Variants in DLGAP4 observed in about 807,000 individuals in gnomAD.
DLGAP4 encodes disks large-associated protein 4.
DLGAP4 carries 18 observed loss-of-function variants against 86.9 expected under a neutral mutation model. The observed-to-expected ratio is 0.21, with a 90% CI of 0.14 to 0.31. The LOEUF (loss-of-function observed/expected upper bound fraction) is 0.31. DLGAP4 is among the 10% of genes least tolerant of loss of function. The probability of loss-of-function intolerance (pLI) is 1.00; values close to 1 mark genes in which losing one functional copy is unlikely to be tolerated. For missense variants in DLGAP4, 1,085 were observed against 1,362.6 expected, an observed-to-expected ratio of 0.80 and a Z score of 3.21; for synonymous variants, 548 against 574.3, an observed-to-expected ratio of 0.95 and a Z score of 0.65.
intron 3 of DLGAP4, among the ~76,000 whole-genome samples, chr20:36,435,642 C>T (rs1422662408): frequency 6.6e-6 from 1 of 152,236 alleles, no homozygotes; most frequent in African/African-American, 2.4e-5. Context: ...CCCGTCCCCC[C>T]TCATGCTGAT....
At chr20:36,400,689 T>C (rs1458318613) in intron 2 of DLGAP4, among the ~76,000 whole-genome samples, 8 of 152,110 alleles carry the variant, frequency 5.3e-5, no homozygotes, top group Admixed American at 3.9e-4. Context: ...GGCTTGCCTT[T>C]GTTCGTATGG....
chr20:36,431,958 G>A lies in DLGAP4; in HGVS notation c.241G>A (p.Glu81Lys), dbSNP rs757154294. 2 of 1,614,112 alleles carry A rather than the reference G, an allele frequency of 1.2e-6. No individual in the cohort carries two copies. Among genetic ancestry groups the A allele is most frequent in the Non-Finnish European group, 1.7e-6 (2 of 1,180,014 alleles). The change falls in exon 3 of 13, where the codon GAG becomes AAG. Residue 81 changes from glutamate (E) to lysine (K), a missense_variant. Coordinates refer to ENST00000339266, the MANE Select transcript of DLGAP4 (RefSeq NM_001365621.2). The surrounding 1 kb of genome is among the most constrained non-coding windows in gnomAD (Gnocchi z 5.1). ...FPRIHYNSHFEVPEESPFPSH... is the reference protein window; with the variant it reads ...FPRIHYNSHFKVPEESPFPSH... ...CCGCATCCACTACAACTCCCACTTC[G>A]AGGTGCCAGAGGAGAGCCCCTTCCC...
At chr20:36,504,883 A>G (rs1171076077) in intron 10 of DLGAP4, among the ~76,000 whole-genome samples, 1 of 151,924 alleles carries the variant, frequency 6.6e-6, no homozygotes, top group Non-Finnish European at 1.5e-5. Flanking sequence ...TCCTTTATAT[A>G]TTATGGGTGC....
chr20:36,396,233 G>A (rs1039659313), intron 2 of DLGAP4, among the ~76,000 whole-genome samples: 4 of 151,574 alleles, frequency 2.6e-5, no homozygotes, highest in Non-Finnish European at 5.9e-5. Flanking sequence ...CAGTGAGTGG[G>A]GTTACTTGAC....
chr20:36,434,553 G>C (rs2033218570), intron 3 of DLGAP4, among the ~76,000 whole-genome samples: 1 of 152,168 alleles, frequency 6.6e-6, no homozygotes. Context: ...TGTGCTGCCT[G>C]CTTGGGTGAC....
rs2033001422 is a variant in DLGAP4 at position 36,427,287 on chromosome 20, G to A, written c.-72-4359G>A. Among the ~76,000 whole-genome samples, 3 of 152,212 alleles carry A rather than the reference G, an allele frequency of 2.0e-5. No homozygotes were observed. The South Asian group carries it at 6.2e-4, about 32-fold the overall frequency. ...AAGTCAGGAGTTAGAGACCAGCCTGGCCAACATAGTGAAACCCCATCTGTA... is the reference window on the plus strand; with the variant it reads ...AAGTCAGGAGTTAGAGACCAGCCTGACCAACATAGTGAAACCCCATCTGTA... On this transcript the variant is annotated intron_variant, in intron 2 of 12. Coordinates refer to ENST00000339266, the MANE Select transcript of DLGAP4 (RefSeq NM_001365621.2).
At chr20:36,382,991 T>G (rs1201042137) in intron 2 of DLGAP4, among the ~76,000 whole-genome samples, 1 of 152,236 alleles carries the variant, frequency 6.6e-6, no homozygotes, top group African/African-American at 2.4e-5. Context: ...CTAAGCTGTT[T>G]ACTAAGCCCT....
At chr20:36,396,529 GCA>G (rs1233513381) in intron 2 of DLGAP4, among the ~76,000 whole-genome samples, 1,873 of 45,450 alleles carry the variant, frequency 0.041, 45 homozygotes, top group African/African-American at 0.13. Context: ...ACATACACGT[GCA>G]CACACACGCA....
At chr20:36,389,933 G>T (rs2147462586) in intron 2 of DLGAP4, among the ~76,000 whole-genome samples, 1 of 152,340 alleles carries the variant, frequency 6.6e-6, no homozygotes, top group African/African-American at 2.4e-5. Flanking sequence ...AGGCTCTGGG[G>T]TTCAGAGGGG....
At chr20:36,338,441 G>A (rs1046738777) in intron 1 of DLGAP4, among the ~76,000 whole-genome samples, 14 of 152,164 alleles carry the variant, frequency 9.2e-5, no homozygotes, top group Admixed American at 2.0e-4. Flanking sequence ...GTGTGGTGGC[G>A]CATGCCTGTA....
chr20:36,334,773 A>G (rs2065304820), intron 1 of DLGAP4, among the ~76,000 whole-genome samples: 1 of 152,078 alleles, frequency 6.6e-6, no homozygotes, highest in South Asian at 2.1e-4. Context: ...CACGGCAGCT[A>G]AGGCTTTCTT....
At chr20:36,364,247 A>G (rs988046183) in intron 1 of DLGAP4, among the ~76,000 whole-genome samples, 2 of 152,106 alleles carry the variant, frequency 1.3e-5, no homozygotes, top group Admixed American at 6.6e-5. Flanking sequence ...CCCCATCTCT[A>G]CAAAAGTTAA....
At chr20:36,367,826 G>C (rs966203877) in intron 2 of DLGAP4, among the ~76,000 whole-genome samples, 7 of 152,160 alleles carry the variant, frequency 4.6e-5, no homozygotes, top group Admixed American at 2.0e-4. Context: ...CCGTCTGTCT[G>C]GGGGTGCAAC....
rs191470165 is a variant in DLGAP4, at chr20:36,431,659, C to T, written c.-59C>T. 160 of 1,510,162 alleles carry T rather than the reference C, an allele frequency of 1.1e-4. 2 individuals carry two copies. The African/African-American group carries it at 1.8e-3, about 17-fold the overall frequency. 93.5% of individuals were successfully genotyped at this position (1,510,162 alleles called of 1,614,324 possible). A position where few individuals can be genotyped will look rare whatever the true frequency, so the allele number is the denominator to read the frequency against. ...TTCTCTCCCTAGGATAGCTGCCGCCCGGGAGAGGTGACCCGGGCGCCCTGC... is the reference window on the plus strand; with the variant it reads ...TTCTCTCCCTAGGATAGCTGCCGCCTGGGAGAGGTGACCCGGGCGCCCTGC... On this transcript the variant is annotated 5_prime_UTR_variant, in exon 3 of 13. Coordinates refer to ENST00000339266, the MANE Select transcript of DLGAP4 (RefSeq NM_001365621.2). This position sits in a 1 kb window ranked among gnomAD's most constrained non-coding sequence, Gnocchi z 5.1.
intron 2 of DLGAP4, among the ~76,000 whole-genome samples, chr20:36,375,030 G>A (rs536051725): frequency 6.6e-6 from 1 of 152,354 alleles, no homozygotes; most frequent in East Asian, 1.9e-4. Context: ...TACATCTGCT[G>A]CTTCAGCCAA....
At chr20:36,374,225 G>A (rs1279804245) in intron 2 of DLGAP4, among the ~76,000 whole-genome samples, 2 of 152,050 alleles carry the variant, frequency 1.3e-5, no homozygotes, top group South Asian at 2.1e-4. Context: ...AATGACTGCA[G>A]TCTTTGGAGG....
At position 36,478,945 on chromosome 20, in the gene DLGAP4, T is replaced by C. The variant is rs559783155; in HGVS notation, c.1649-17760T>C. On this transcript the variant is annotated intron_variant, in intron 7 of 12. Transcript: ENST00000339266. Reference sequence around the variant, plus strand: ...ATTGGGCTACTGCAATAACCACCAATTCCTGAGCAGGTGAAAAACATCTGG... The same window carrying C: ...ATTGGGCTACTGCAATAACCACCAACTCCTGAGCAGGTGAAAAACATCTGG... Among the ~76,000 whole-genome samples, 17 of 152,294 alleles carry C rather than the reference T, an allele frequency of 1.1e-4. 1 individual carries two copies. In the South Asian group the frequency reaches 3.5e-3, roughly 32 times the overall value.
chr20:36,413,036 G>A (rs2032546589), intron 2 of DLGAP4, among the ~76,000 whole-genome samples: 1 of 144,462 alleles, frequency 6.9e-6, no homozygotes, highest in Non-Finnish European at 1.5e-5. Context: ...CTGGAGTACA[G>A]TGTTGCGATC....
At chr20:36,495,295 CAGAT>C (rs1304701473) in intron 7 of DLGAP4, among the ~76,000 whole-genome samples, 1 of 152,140 alleles carries the variant, frequency 6.6e-6, no homozygotes, top group Non-Finnish European at 1.5e-5. Context: ...CTCATAGTGG[CAGAT>C]GGATGGTTTC....
Sources: allele counts gnomAD v4.1 joint callset (sites outside exome capture counted in the v4.1 genomes callset), GRCh38; gene constraint gnomAD v4.1.1; non-coding constraint Gnocchi (gnomAD v3.1); transcripts MANE v1.5; gene names NCBI Gene and HGNC (gene_info 2026-07-23, HGNC 2026-07-21).